Variants in PPP1R16B observed in about 807,000 individuals in gnomAD.
PPP1R16B encodes protein phosphatase 1 regulatory subunit 16B.
In PPP1R16B, 14 loss-of-function variants were observed where a neutral mutation model predicts 61.7. The ratio of observed to expected loss-of-function variants is 0.23; its 90% CI spans 0.15 to 0.35. PPP1R16B has a LOEUF of 0.35. Ranked by LOEUF, PPP1R16B falls within the 10% of genes least tolerant of loss-of-function variation. The probability of loss-of-function intolerance (pLI) is 1.00; values close to 1 mark genes in which losing one functional copy is unlikely to be tolerated. For synonymous variants in PPP1R16B, 266 were observed against 305.3 expected (o/e 0.87, Z 1.34); for missense variants, 547 against 752.5 (o/e 0.73, Z 3.19).
At position 38,902,655 on chromosome 20, in the gene PPP1R16B, T is replaced by C. The variant is rs762114036; in HGVS notation, c.572-13T>C. 21 of 1,613,962 alleles carry C rather than the reference T, an allele frequency of 1.3e-5. No individual in the cohort carries two copies. The African/African-American group carries it at 2.7e-4, about 21-fold the overall frequency. On this transcript the variant is annotated splice_polypyrimidine_tract_variant and intron_variant, in intron 5 of 10. Transcript: ENST00000299824. Reference sequence around the variant, plus strand: ...CTGAGGGTGCTAAATAAATCCCCTCTTTCCCACTGCAGGCATCACCCAAGA... The same window carrying C: ...CTGAGGGTGCTAAATAAATCCCCTCCTTCCCACTGCAGGCATCACCCAAGA...
intron 10 of PPP1R16B, 41 bp downstream of exon 10, chr20:38,908,234 A>G: frequency 6.2e-7 from 1 of 1,610,488 alleles, no homozygotes; most frequent in Non-Finnish European, 8.5e-7. Context: ...AGCCACTGCA[A>G]TGGGAGGAGA....
At position 38,907,311 on chromosome 20, in the gene PPP1R16B, G is replaced by GTGGATGGATGGA. The variant is rs11470382; in HGVS notation, c.898+283_898+294dup. ...TCTGGTTGAATGGATGGGTGGGTGG[G>GTGGATGGATGGA]TGGATGGATGGATGGATGGATGGAT... On this transcript the variant is annotated intron_variant, in intron 8 of 10. Coordinates refer to ENST00000299824, the MANE Select transcript of PPP1R16B (RefSeq NM_015568.4). This position sits in a 1 kb window ranked among gnomAD's most constrained non-coding sequence, Gnocchi z 4.5. Among the ~76,000 whole-genome samples the GTGGATGGATGGA allele has an allele frequency of 6.6e-6, 1 of 150,562 alleles. No individual in the cohort carries two copies. Among genetic ancestry groups the GTGGATGGATGGA allele is most frequent in the African/African-American group, 2.5e-5 (1 of 40,714 alleles).
chr20:38,813,751 A>ACATCATCAT (rs1157133606), intron 1 of PPP1R16B, among the ~76,000 whole-genome samples: 1 of 145,304 alleles, frequency 6.9e-6, no homozygotes, highest in African/African-American at 2.6e-5. Flanking sequence ...CTAAGGGGTG[A>ACATCATCAT]CATCATCATC....
chr20:38,868,571 C>CG (rs1287721709), intron 2 of PPP1R16B, among the ~76,000 whole-genome samples: 2 of 152,042 alleles, frequency 1.3e-5, no homozygotes, highest in Non-Finnish European at 2.9e-5. Flanking sequence ...TTAGTACAGA[C>CG]GGGGTTTCAC....
chr20:38,895,798 C>T, intron 4 of PPP1R16B, 88 bp downstream of exon 4: 1 of 1,314,528 alleles, frequency 7.6e-7, no homozygotes, highest in Non-Finnish European at 1.0e-6. Flanking sequence ...TCCCTCCTTC[C>T]TTCTTTCTCT....
rs770912367 is a variant in PPP1R16B, at chr20:38,918,125, C to T, written c.1195-32C>T. ...TGGATAGTAGGTTCAGATCTTCCAG[C>T]CAGCTGGTAATGTTGTCCTTCTCAC... On this transcript the variant is annotated intron_variant, in intron 10 of 10. Coordinates refer to ENST00000299824, the MANE Select transcript of PPP1R16B (RefSeq NM_015568.4). The surrounding 1 kb of genome is among the most constrained non-coding windows in gnomAD (Gnocchi z 5.3). 2 of 1,606,300 alleles carry T rather than the reference C, an allele frequency of 1.2e-6. No individual in the cohort carries two copies. Among genetic ancestry groups the T allele is most frequent in the Non-Finnish European group, 1.7e-6 (2 of 1,174,316 alleles).
chr20:38,864,718 C>T (rs1234716677), intron 2 of PPP1R16B, among the ~76,000 whole-genome samples: 1 of 152,188 alleles, frequency 6.6e-6, no homozygotes, highest in African/African-American at 2.4e-5. Context: ...AGTCCCCCAC[C>T]TCTCACAGAG....
At chr20:38,863,737 T>A (rs1051250474) in intron 2 of PPP1R16B, among the ~76,000 whole-genome samples, 5 of 152,228 alleles carry the variant, frequency 3.3e-5, no homozygotes, top group African/African-American at 1.2e-4. Flanking sequence ...AGGTGCTCAA[T>A]AGAGGTTAAT....
At chr20:38,807,709 C>A (rs2084671752) in intron 1 of PPP1R16B, among the ~76,000 whole-genome samples, 1 of 152,188 alleles carries the variant, frequency 6.6e-6, no homozygotes. Context: ...AACCAGGCCA[C>A]CCTGGACTGT....
In PPP1R16B at chr20:38,836,074, A is replaced by G. The variant is rs1379956482; in HGVS notation, c.149A>G (p.Lys50Arg). The change falls in exon 2 of 11, where the codon AAG becomes AGG. Residue 50 changes from lysine (K) to arginine (R), a missense_variant. Lys to Arg is a conservative substitution (Grantham distance 26). Transcript: ENST00000299824. ...YEQDLQHRKR[K>R]HERKRSTGGR... ...CAGGACTTGCAGCACCGCAAGCGAA[A>G]GCATGAGCGGAAGCGCAGCACGGGC... 6.2e-7 allele frequency: 1 copy of G among 1,611,698 alleles called. No homozygotes were observed. Among genetic ancestry groups the G allele is most frequent in the East Asian group, 2.2e-5 (1 of 44,874 alleles).
chr20:38,806,106 G>C lies in PPP1R16B; in HGVS notation c.-102+314G>C, dbSNP rs966914292. 6.6e-6 allele frequency among the ~76,000 whole-genome samples: 1 copy of C among 152,096 alleles called. No homozygotes were observed. The highest frequency in any genetic ancestry group is 2.4e-5 in the African/African-American group (1 of 41,432). ...GGCCGTCGTAGACCGATCTTGGGGC[G>C]GGGAGGTGGGGTCCTCGGTCTGTTC... On this transcript the variant is annotated intron_variant, in intron 1 of 10. Coordinates refer to ENST00000299824, the MANE Select transcript of PPP1R16B (RefSeq NM_015568.4). The surrounding 1 kb of genome is among the most constrained non-coding windows in gnomAD (Gnocchi z 4.5).
intron 2 of PPP1R16B, among the ~76,000 whole-genome samples, chr20:38,848,524 A>C (rs2084948831): frequency 6.6e-6 from 1 of 152,214 alleles, no homozygotes; most frequent in South Asian, 2.1e-4. Context: ...TATGTGATAA[A>C]ACAAGTTTTT....
chr20:38,813,031 A>T (rs2084711304), intron 1 of PPP1R16B, among the ~76,000 whole-genome samples: 1 of 152,118 alleles, frequency 6.6e-6, no homozygotes, highest in Non-Finnish European at 1.5e-5. Flanking sequence ...AGGGTATGGG[A>T]GACCCCAAGT....
chr20:38,859,137 A>G (rs2085029425), intron 2 of PPP1R16B, among the ~76,000 whole-genome samples: 1 of 152,152 alleles, frequency 6.6e-6, no homozygotes, highest in South Asian at 2.1e-4. Flanking sequence ...CAGGAGTTTG[A>G]TGGTCTCCAC....
At position 38,906,868 on chromosome 20, in the gene PPP1R16B, T is replaced by C. The variant is rs538995647; in HGVS notation, c.823-111T>C. ...GCAGGCCTTCCCTGGAAATCAACTTTGTCCCACCATTCTTTGGGTCACATC... is the reference window on the plus strand; with the variant it reads ...GCAGGCCTTCCCTGGAAATCAACTTCGTCCCACCATTCTTTGGGTCACATC... On this transcript the variant is annotated intron_variant, in intron 7 of 10. Transcript: ENST00000299824. The C allele has an allele frequency of 1.4e-5, 12 of 875,006 alleles. No homozygotes were observed. In the East Asian group the frequency reaches 2.9e-4, roughly 21 times the overall value. 54.2% of individuals were successfully genotyped at this position (875,006 alleles called of 1,614,324 possible). A position where few individuals can be genotyped will look rare whatever the true frequency, so the allele number is the denominator to read the frequency against.
At chr20:38,884,450 G>C (rs914743493) in intron 2 of PPP1R16B, among the ~76,000 whole-genome samples, 3 of 152,210 alleles carry the variant, frequency 2.0e-5, no homozygotes, top group Non-Finnish European at 4.4e-5. Flanking sequence ...GAGCCATACA[G>C]TCTCTGTTGT....
chr20:38,896,053 TCC>T, intron 4 of PPP1R16B, among the ~76,000 whole-genome samples: 1 of 123,630 alleles, frequency 8.1e-6, no homozygotes, highest in African/African-American at 3.7e-5. Context: ...TTTTCTCCCT[TCC>T]TCCCTTCCTT....
chr20:38,823,707 G>A (rs894733988), intron 1 of PPP1R16B, among the ~76,000 whole-genome samples: 10 of 152,080 alleles, frequency 6.6e-5, no homozygotes, highest in Non-Finnish European at 1.0e-4. Context: ...AGCACCCATA[G>A]GGGGTTGAGC....
chr20:38,917,367 T>C (rs1274578482), intron 10 of PPP1R16B, among the ~76,000 whole-genome samples: 2 of 152,164 alleles, frequency 1.3e-5, no homozygotes, highest in Non-Finnish European at 2.9e-5. Context: ...CTGTAATATA[T>C]GTTGAAAATA....
Sources: allele counts gnomAD v4.1 joint callset (sites outside exome capture counted in the v4.1 genomes callset), GRCh38; gene constraint gnomAD v4.1.1; non-coding constraint Gnocchi (gnomAD v3.1); transcripts MANE v1.5; gene names NCBI Gene and HGNC (gene_info 2026-07-23, HGNC 2026-07-21).